LINGO2: variants seen among roughly 807,000 people sequenced by gnomAD.
The protein encoded by LINGO2 is leucine-rich repeat and immunoglobulin-like domain-containing nogo receptor-interacting protein 2.
Under a neutral mutation model 30.6 loss-of-function variants are expected in LINGO2, and 14 were observed. The observed-to-expected ratio is 0.46, with a 90% CI of 0.30 to 0.72. The LOEUF (loss-of-function observed/expected upper bound fraction) is 0.72. Ranked by LOEUF, LINGO2 falls within the 30% of genes least tolerant of loss-of-function variation. The pLI, the probability that LINGO2 is intolerant of heterozygous loss-of-function variation, is 0.07. For synonymous variants in LINGO2, 317 were observed against 288.5 expected (o/e 1.10, Z -1.00); for missense variants, 729 against 751.7 (o/e 0.97, Z 0.35).
chr9:28,303,523 A>C (rs1824227467), intron 3 of LINGO2, among the ~76,000 whole-genome samples: 4 of 152,088 alleles, frequency 2.6e-5, no homozygotes. Context: ...ATTTGTGTAC[A>C]ATATTTGACT....
At chr9:28,602,865 G>A (rs183385266) in intron 1 of LINGO2, among the ~76,000 whole-genome samples, 2 of 152,100 alleles carry the variant, frequency 1.3e-5, no homozygotes, top group Admixed American at 1.3e-4. Flanking sequence ...ATGATTAAAA[G>A]GTTTGCTGTT....
chr9:28,595,773 G>T (rs1009017899), intron 1 of LINGO2, among the ~76,000 whole-genome samples: 7 of 152,058 alleles, frequency 4.6e-5, no homozygotes, highest in Non-Finnish European at 7.4e-5. Flanking sequence ...GGATCACAGC[G>T]GGGGAAACCC....
At chr9:28,174,221 C>T (rs553638911) in intron 4 of LINGO2, among the ~76,000 whole-genome samples, 2 of 152,236 alleles carry the variant, frequency 1.3e-5, no homozygotes, top group African/African-American at 2.4e-5. Context: ...AATGAGAATC[C>T]ACTCAGAATT....
At chr9:29,200,160 C>G in the LINGO2 span, among the ~76,000 whole-genome samples, 1 of 152,050 alleles carries the variant, frequency 6.6e-6, no homozygotes, top group Admixed American at 6.6e-5. Context: ...CAGTGAAAAT[C>G]TGACTTAAGT....
chr9:28,464,352 C>T (rs1825211055), intron 2 of LINGO2, among the ~76,000 whole-genome samples: 1 of 152,082 alleles, frequency 6.6e-6, no homozygotes, highest in African/African-American at 2.4e-5. Flanking sequence ...TAAATTAATA[C>T]AAAATAAATC....
the LINGO2 span, among the ~76,000 whole-genome samples, chr9:28,845,957 G>T: frequency 6.6e-6 from 1 of 151,386 alleles, no homozygotes; most frequent in South Asian, 2.1e-4. Flanking sequence ...TCCCTCTAAT[G>T]ACGTTTAGAG....
chr9:28,655,939 A>G (rs1196360714), intron 1 of LINGO2, among the ~76,000 whole-genome samples: 1 of 152,114 alleles, frequency 6.6e-6, no homozygotes, highest in African/African-American at 2.4e-5. Flanking sequence ...GCCAAAATGT[A>G]TCAATAATTA....
chr9:28,684,616 T>G, the LINGO2 span, among the ~76,000 whole-genome samples: 8,323 of 151,512 alleles, frequency 0.055, 409 homozygotes, highest in Admixed American at 0.18. Context: ...CCTCCCAGGT[T>G]CAAGTGATTC....
At chr9:28,882,229 G>C in the LINGO2 span, among the ~76,000 whole-genome samples, 1 of 151,996 alleles carries the variant, frequency 6.6e-6, no homozygotes, top group Non-Finnish European at 1.5e-5. Flanking sequence ...GCTTCCAAAG[G>C]GCAAAAGAGA....
At chr9:28,241,960 C>T (rs1031246134) in intron 4 of LINGO2, among the ~76,000 whole-genome samples, 1 of 152,058 alleles carries the variant, frequency 6.6e-6, no homozygotes, top group Non-Finnish European at 1.5e-5. Context: ...AAATCTTCAT[C>T]CAAGGGTCAA....
the LINGO2 span, among the ~76,000 whole-genome samples, chr9:28,960,986 T>C: frequency 1.9e-4 from 29 of 152,258 alleles, 1 homozygote; most frequent in Middle Eastern, 6.8e-3. Context: ...GGAAGCACCA[T>C]AGCTGTCTTT....
the LINGO2 span, among the ~76,000 whole-genome samples, chr9:28,951,584 C>T: frequency 3.9e-5 from 6 of 152,084 alleles, no homozygotes; most frequent in South Asian, 2.1e-4. Context: ...CGTATCCCAT[C>T]CTGAGAGCTC....
At chr9:28,120,331 C>G (rs1397019068) in intron 4 of LINGO2, among the ~76,000 whole-genome samples, 1 of 152,160 alleles carries the variant, frequency 6.6e-6, no homozygotes, top group Non-Finnish European at 1.5e-5. Context: ...TTCTTTTATT[C>G]TGAGGCAATC....
At chr9:29,036,928 G>A in the LINGO2 span, among the ~76,000 whole-genome samples, 60,377 of 151,636 alleles carry the variant, frequency 0.4, 12,219 homozygotes, top group East Asian at 0.54. Flanking sequence ...TGAAAAATTA[G>A]TTATTAAGGT....
At chr9:28,714,200 C>T in the LINGO2 span, among the ~76,000 whole-genome samples, 15 of 127,764 alleles carry the variant, frequency 1.2e-4, no homozygotes, top group Admixed American at 9.3e-4. Context: ...CACACATACA[C>T]ACACACACAT....
chr9:28,840,790 AT>A, the LINGO2 span, among the ~76,000 whole-genome samples: 1 of 151,922 alleles, frequency 6.6e-6, no homozygotes, highest in Admixed American at 6.6e-5. Flanking sequence ...CCAGTTTAAG[AT>A]GCATTGTAAG....
chr9:28,720,239 C>T, the LINGO2 span, among the ~76,000 whole-genome samples: 1 of 151,964 alleles, frequency 6.6e-6, no homozygotes, highest in African/African-American at 2.4e-5. Flanking sequence ...TCAAGCTTTG[C>T]CATAGATTCA....
intron 3 of LINGO2, among the ~76,000 whole-genome samples, chr9:28,360,011 G>A (rs1820378174): frequency 1.3e-5 from 2 of 152,220 alleles, no homozygotes; most frequent in African/African-American, 2.4e-5. Context: ...ATCTCTTTGA[G>A]CTTCAGTAAG....
rs1827485168 is a variant in LINGO2, at chr9:28,135,224, T to C, written c.-86-122819A>G. 3.9e-5 allele frequency among the ~76,000 whole-genome samples: 6 copies of C among 151,976 alleles called. No homozygotes were observed. The South Asian group carries it at 1.2e-3, about 31-fold the overall frequency. ...AGGCTTAAATAAATACATGAAGTGA[T>C]TGCTATGAAAGAAGACCCTAAAGAG... On this transcript the variant is annotated intron_variant, in intron 4 of 5. Transcript: ENST00000379992.
Sources: gnomAD v4.1 joint callset for allele counts (sites outside exome capture counted in the v4.1 genomes callset) on GRCh38, gnomAD v4.1.1 for gene constraint, MANE v1.5 for transcripts, NCBI Gene and HGNC (gene_info 2026-07-23, HGNC 2026-07-21) for gene names.